The following PRDM16 variants were observed in gnomAD, a reference collection of about 807,000 sequenced individuals.
PRDM16 encodes the protein PR/SET domain 16.
A neutral mutation model predicts 110.6 loss-of-function variants in PRDM16; 23 were observed. That is an observed-to-expected ratio of 0.21 (90% CI 0.15 to 0.29). PRDM16 has a LOEUF of 0.29. Ranked by LOEUF, PRDM16 falls within the 10% of genes least tolerant of loss-of-function variation. PRDM16 has a pLI of 1.00. For missense variants in PRDM16, 1,615 were observed against 1,794.3 expected (o/e 0.90, Z 1.81); for synonymous variants, 799 against 781.8 (o/e 1.02, Z -0.37).
At chr1:3,381,012 G>C (rs951064807) in intron 3 of PRDM16, among the ~76,000 whole-genome samples, 30 of 152,184 alleles carry the variant, frequency 2.0e-4, no homozygotes, top group African/African-American at 7.2e-4. Context: ...AAGGGGCCAG[G>C]GTTCTCCTCC....
intron 1 of PRDM16, among the ~76,000 whole-genome samples, chr1:3,088,848 C>T (rs543188933): frequency 1.8e-4 from 28 of 151,600 alleles, no homozygotes; most frequent in African/African-American, 4.4e-4. Context: ...AGTGCAATGG[C>T]GCAATCTCAC....
At chr1:3,086,077 T>C (rs551753505) in intron 1 of PRDM16, among the ~76,000 whole-genome samples, 48 of 152,260 alleles carry the variant, frequency 3.2e-4, no homozygotes, top group African/African-American at 1.1e-3. Context: ...AGACCTCTGA[T>C]GAAGGTCACC....
At chr1:3,172,193 C>T (rs1233510237) in intron 1 of PRDM16, among the ~76,000 whole-genome samples, 1 of 152,148 alleles carries the variant, frequency 6.6e-6, no homozygotes, top group Non-Finnish European at 1.5e-5. Context: ...CTGAACGTCC[C>T]CCACGGTCTT....
At chr1:3,217,323 C>T (rs992920987) in intron 2 of PRDM16, among the ~76,000 whole-genome samples, 30 of 152,238 alleles carry the variant, frequency 2.0e-4, no homozygotes, top group Non-Finnish European at 4.1e-4. Context: ...CGGCAGCTTG[C>T]AGGCTGTCAG....
intron 2 of PRDM16, among the ~76,000 whole-genome samples, chr1:3,203,176 T>G (rs1638673301): frequency 6.6e-6 from 1 of 152,188 alleles, no homozygotes; most frequent in Non-Finnish European, 1.5e-5. Context: ...TCTGTTGCTT[T>G]GCTGATTTTC....
rs2100663797 is a variant in PRDM16, at chr1:3,412,195, T to C, written c.1998T>C (p.Pro666=). The change falls in exon 9 of 17, where the codon CCT becomes CCC. Residue 666 remains proline (P), a synonymous_variant. Coordinates refer to ENST00000270722, the MANE Select transcript of PRDM16 (RefSeq NM_022114.4). ...CCCCGAACAGCGTGGCCGAGGTGCCTGTCTTCTATTCCCAGCACTCATTCT... is the reference window on the plus strand; with the variant it reads ...CCCCGAACAGCGTGGCCGAGGTGCCCGTCTTCTATTCCCAGCACTCATTCT... ...PGAPNSVAEV[P]VFYSQHSFFP... is the part of the protein sequence containing the mutation. 1 of 1,596,180 alleles carries C rather than the reference T, an allele frequency of 6.3e-7. No homozygotes were observed. The highest frequency in any genetic ancestry group is 8.6e-7 in the Non-Finnish European group (1 of 1,167,354).
intron 1 of PRDM16, among the ~76,000 whole-genome samples, chr1:3,171,318 G>C (rs1406229571): frequency 6.6e-6 from 1 of 152,342 alleles, no homozygotes; most frequent in Non-Finnish European, 1.5e-5. Flanking sequence ...TCGCTGTCCG[G>C]GCAGAGCCAG....
At position 3,246,804 on chromosome 1, in the gene PRDM16, G is replaced by A. The variant is rs546502684; in HGVS notation, c.438+2667G>A. On this transcript the variant is annotated intron_variant, in intron 3 of 16. Transcript: ENST00000270722. This position sits in a 1 kb window ranked among gnomAD's most constrained non-coding sequence, Gnocchi z 5.2. ...TTCAGTTACATTTCTAGGCACTCTC[G>A]GGGAGCCGGGGGGGTTGGGGCTGAG... Among the ~76,000 whole-genome samples the A allele has an allele frequency of 5.3e-5, 8 of 152,190 alleles. No homozygotes were observed. Among genetic ancestry groups the A allele is most frequent in the South Asian group, 2.1e-4 (1 of 4,830 alleles).
At chr1:3,131,578 C>T (rs1459764173) in intron 1 of PRDM16, among the ~76,000 whole-genome samples, 1 of 152,188 alleles carries the variant, frequency 6.6e-6, no homozygotes, top group Non-Finnish European at 1.5e-5. Flanking sequence ...TATGCCTGTA[C>T]TGCAGAAAAA....
Position 3,158,745 on chromosome 1 carries a change from TTTTC to T in PRDM16, c.38-27360_38-27357del, listed in dbSNP as rs199757147. ...TTTTCTTTCTTCCCTTTCTTCCCTT[TTTTC>T]TTTCTTTCTTTCTTTCTTTTCTTTC... On this transcript the variant is annotated intron_variant, in intron 1 of 16. Coordinates refer to ENST00000270722, the MANE Select transcript of PRDM16 (RefSeq NM_022114.4). 7.5e-3 allele frequency among the ~76,000 whole-genome samples: 1,140 copies of T among 151,532 alleles called. 17 individuals carry two copies. Among genetic ancestry groups the T allele is most frequent in the African/African-American group, 0.025 (1,047 of 41,220 alleles).
At chr1:3,312,133 G>A (rs372069421) in intron 3 of PRDM16, among the ~76,000 whole-genome samples, 26 of 152,168 alleles carry the variant, frequency 1.7e-4, no homozygotes, top group African/African-American at 4.3e-4. Flanking sequence ...ACCTTCCCAC[G>A]TGTGAAATGG....
chr1:3,152,043 T>C (rs906550746), intron 1 of PRDM16, among the ~76,000 whole-genome samples: 1 of 152,202 alleles, frequency 6.6e-6, no homozygotes, highest in African/African-American at 2.4e-5. Context: ...CCGTGGCACA[T>C]TGCTCAGAAT....
At chr1:3,134,874 G>A (rs923109478) in intron 1 of PRDM16, among the ~76,000 whole-genome samples, 2 of 152,224 alleles carry the variant, frequency 1.3e-5, no homozygotes, top group African/African-American at 4.8e-5. Flanking sequence ...GGACACCCGG[G>A]AGCCCACCTC....
intron 2 of PRDM16, among the ~76,000 whole-genome samples, chr1:3,193,280 C>T (rs541239227): frequency 1.8e-4 from 27 of 152,228 alleles, no homozygotes; most frequent in East Asian, 5.8e-4. Context: ...CCTGAGGCTT[C>T]GGGCTCCTGC....
intron 1 of PRDM16, 54 bp from the exon 2 acceptor site, chr1:3,186,071 A>C: frequency 6.8e-7 from 1 of 1,465,186 alleles, no homozygotes; most frequent in African/African-American, 1.4e-5. Flanking sequence ...CCTGAGCTGT[A>C]CACACTGGGT....
intron 2 of PRDM16, among the ~76,000 whole-genome samples, chr1:3,188,084 C>A (rs1355656785): frequency 6.6e-6 from 1 of 152,202 alleles, no homozygotes; most frequent in Non-Finnish European, 1.5e-5. Context: ...CACTGCCCAG[C>A]TTCATGGCCC....
intron 2 of PRDM16, among the ~76,000 whole-genome samples, chr1:3,197,910 A>G (rs1569826335): frequency 6.6e-6 from 1 of 152,104 alleles, no homozygotes; most frequent in African/African-American, 2.4e-5. Flanking sequence ...GGCAGGTCCC[A>G]CTGCCCTCCC....
intron 1 of PRDM16, among the ~76,000 whole-genome samples, chr1:3,180,030 C>T (rs753163605): frequency 1.8e-4 from 28 of 152,142 alleles, no homozygotes; most frequent in Middle Eastern, 3.4e-3. Context: ...CTGTCCCTTC[C>T]GTCTCATACT....
intron 3 of PRDM16, among the ~76,000 whole-genome samples, chr1:3,263,809 T>C (rs1232089273): frequency 6.6e-6 from 1 of 152,128 alleles, no homozygotes; most frequent in Non-Finnish European, 1.5e-5. Flanking sequence ...TGCCACCCAT[T>C]AGAAAAGCGA....
Sources: allele counts gnomAD v4.1 joint callset (sites outside exome capture counted in the v4.1 genomes callset), GRCh38; gene constraint gnomAD v4.1.1; non-coding constraint Gnocchi (gnomAD v3.1); transcripts MANE v1.5; gene names NCBI Gene and HGNC (gene_info 2026-07-23, HGNC 2026-07-21).